MIER2: variants seen among roughly 807,000 people sequenced by gnomAD.
The protein encoded by MIER2 is mesoderm induction early response protein 2.
MIER2 carries 30 observed loss-of-function variants against 67.6 expected under a neutral mutation model. The ratio of observed to expected loss-of-function variants is 0.44; its 90% CI spans 0.33 to 0.60. The LOEUF is 0.60. MIER2 is among the 20% of genes least tolerant of loss of function. MIER2 has a pLI of 0.02. For missense variants in MIER2, 702 were observed against 745.1 expected, an observed-to-expected ratio of 0.94 and a Z score of 0.67; for synonymous variants, 372 against 312.6, an observed-to-expected ratio of 1.19 and a Z score of -2.00.
intron 4 of MIER2, 147 bp from the exon 5 acceptor site, chr19:327,403 G>A (rs866522249): frequency 1.4e-5 from 15 of 1,080,222 alleles, no homozygotes; most frequent in Middle Eastern, 3.1e-4. Context: ...GCACAGCGTG[G>A]GGGGAGCGGG....
chr19:342,838 G>C (rs1337210386), intron 1 of MIER2, among the ~76,000 whole-genome samples: 1 of 151,950 alleles, frequency 6.6e-6, no homozygotes, highest in Non-Finnish European at 1.5e-5. Flanking sequence ...GCTCTGAAGG[G>C]TGACCATTAA....
chr19:306,047 G>C lies in MIER2; in HGVS notation c.*643C>G, dbSNP rs536778396. 1 of 152,772 alleles carries C rather than the reference G, an allele frequency of 6.5e-6. No homozygotes were observed. Among genetic ancestry groups the C allele is most frequent in the South Asian group, 2.1e-4 (1 of 4,850 alleles). The allele number at this position is 152,772 out of a possible 1,614,324, so 9.5% of individuals were successfully genotyped here. A position where few individuals can be genotyped will look rare whatever the true frequency, so the allele number is the denominator to read the frequency against. ...CTCAGGATCGGGGAGCAGGGATGGA[G>C]GGGGAAGAGGCAGGTGGGGGTGTAA... On this transcript the variant is annotated 3_prime_UTR_variant, in exon 14 of 14. Coordinates refer to ENST00000264819, the MANE Select transcript of MIER2 (RefSeq NM_017550.3).
intron 7 of MIER2, among the ~76,000 whole-genome samples, chr19:315,185 C>T (rs914632460): frequency 1.3e-5 from 2 of 151,944 alleles, no homozygotes; most frequent in Admixed American, 6.6e-5. Flanking sequence ...GCAAACATGG[C>T]GAAACCCCAG....
At chr19:313,448 A>C (rs781437177) in intron 8 of MIER2, 44 bp downstream of exon 8, 28 of 1,593,012 alleles carry the variant, frequency 1.8e-5, no homozygotes, top group Non-Finnish European at 2.4e-5. Context: ...GGCCCACGCC[A>C]CGGCAGCCCT....
intron 1 of MIER2, chr19:343,747 C>A (rs1190446683): frequency 1.3e-6 from 1 of 740,868 alleles, no homozygotes; most frequent in Non-Finnish European, 1.6e-6. Flanking sequence ...AACTTCTGCG[C>A]ACAGAAGTCA....
intron 7 of MIER2, among the ~76,000 whole-genome samples, chr19:320,276 G>C (rs1600136658): frequency 6.6e-6 from 1 of 152,194 alleles, no homozygotes; most frequent in East Asian, 1.9e-4. Context: ...AGCTACTCGG[G>C]AGACTGCAGC....
chr19:327,391 G>A, intron 4 of MIER2, 135 bp from the exon 5 acceptor site: 2 of 1,150,230 alleles, frequency 1.7e-6, no homozygotes, highest in Non-Finnish European at 2.4e-6. Flanking sequence ...TCTGCAAAGG[G>A]TGCACAGCGT....
Position 334,539 on chromosome 19 carries a change from A to G in MIER2, c.104T>C (p.Val35Ala). Residue 35 changes from valine to alanine, a missense_variant, in exon 3 of 14, where the codon GTG becomes GCG. By Grantham distance (64) the Val-to-Ala change is moderately conservative (BLOSUM62 0). Around this residue, in one of 3 missense-constraint regions of MIER2, gnomAD observed 320 missense variants for 292.6 expected, o/e 1.09. Coordinates refer to ENST00000264819, the MANE Select transcript of MIER2 (RefSeq NM_017550.3). ...GEPGLQTTAV[V>A]SMGSGDHQFN... is the part of the protein sequence containing the mutation. ...CTGATGGTCTCCAGAGCCCATGGAC[A>G]CCACTGGGGAGAAGAGAGCAGCCCA... 1.9e-6 allele frequency: 3 copies of G among 1,613,688 alleles called. No individual in the cohort carries two copies. The highest frequency in any genetic ancestry group is 2.5e-6 in the Non-Finnish European group (3 of 1,179,912).
At chr19:340,278 T>C (rs1030509954) in intron 1 of MIER2, among the ~76,000 whole-genome samples, 3 of 152,138 alleles carry the variant, frequency 2.0e-5, no homozygotes, top group African/African-American at 4.8e-5. Context: ...CAGTTGACCC[T>C]TGAACAACGC....
At chr19:310,258 C>T (rs1970891104) in intron 10 of MIER2, among the ~76,000 whole-genome samples, 1 of 152,240 alleles carries the variant, frequency 6.6e-6, no homozygotes, top group Non-Finnish European at 1.5e-5. Flanking sequence ...AACTAACCCA[C>T]CGCCACCCAG....
chr19:344,382 G>A (rs1323995756), intron 1 of MIER2: 9 of 984,616 alleles, frequency 9.1e-6, no homozygotes, highest in Admixed American at 6.2e-5. Flanking sequence ...CGCGGGAGGG[G>A]AGGCCTGCGC....
Position 307,190 on chromosome 19 carries a change from C to A in MIER2, c.1545G>T (p.Gly515=), listed in dbSNP as rs1165288568. The A allele has an allele frequency of 2.5e-6, 4 of 1,589,864 alleles. No homozygotes were observed. The Admixed American group carries it at 7.1e-5, about 28-fold the overall frequency. The change falls in exon 13 of 14, where the codon GGG becomes GGT. Residue 515 remains glycine, a synonymous_variant. Coordinates refer to ENST00000264819, the MANE Select transcript of MIER2 (RefSeq NM_017550.3). ...GGGCGGCCAGGAAGGGGTTCACGTC[C>A]CCAATGCCGATGAGTCCAAACTCGG... ...SVTEFGLIGI[G]DVNPFLAAHP...
chr19:329,972 A>C (rs1971945201), intron 3 of MIER2, among the ~76,000 whole-genome samples: 1 of 152,100 alleles, frequency 6.6e-6, no homozygotes, highest in African/African-American at 2.4e-5. Flanking sequence ...GGAAGCATGC[A>C]GAATGCACCT....
At chr19:319,668 A>G (rs953483480) in intron 7 of MIER2, among the ~76,000 whole-genome samples, 4 of 152,120 alleles carry the variant, frequency 2.6e-5, no homozygotes, top group Non-Finnish European at 4.4e-5. Flanking sequence ...CATGTTGGTC[A>G]GGCTGTTCTC....
intron 7 of MIER2, among the ~76,000 whole-genome samples, chr19:315,367 A>G: frequency 6.6e-6 from 1 of 152,204 alleles, no homozygotes; most frequent in East Asian, 1.9e-4. Context: ...CTCCGTCTCA[A>G]ACAAACAAAC....
At position 325,369 on chromosome 19, in the gene MIER2, G is replaced by C. The variant is rs932613925; in HGVS notation, c.655+266C>G. On this transcript the variant is annotated intron_variant, in intron 7 of 13. Transcript: ENST00000264819. ...GGAGTCAAGGGCAGGGCAGGGCTGG[G>C]TCAGAGGCAGGACGGGCTGCTGAGG... Among the ~76,000 whole-genome samples, 3 of 152,190 alleles carry C rather than the reference G, an allele frequency of 2.0e-5. No individual in the cohort carries two copies. The South Asian group carries it at 6.2e-4, about 31-fold the overall frequency.
At chr19:316,904 G>C (rs906239957) in intron 7 of MIER2, among the ~76,000 whole-genome samples, 1 of 150,888 alleles carries the variant, frequency 6.6e-6, no homozygotes, top group Non-Finnish European at 1.5e-5. Flanking sequence ...AGGAGGCGGA[G>C]GTTGCAATGA....
At chr19:338,631 A>C (rs72986429) in intron 1 of MIER2, among the ~76,000 whole-genome samples, 1 of 152,220 alleles carries the variant, frequency 6.6e-6, no homozygotes, top group African/African-American at 2.4e-5. Flanking sequence ...ACAATCTTGA[A>C]ACAATACTTC....
rs1166988850 is a variant in MIER2, at chr19:313,651, A to G, written c.656-8T>C. 6.2e-7 allele frequency: 1 copy of G among 1,608,514 alleles called. No homozygotes were observed. The stretch of plus-strand genomic sequence containing the variant: ...GGTCTTCGTTCTCGTAGACTGCACA[A>G]GCAGAGGGCAAAGGTCAGCTTGCAG... On this transcript the variant is annotated splice_polypyrimidine_tract_variant and splice_region_variant and intron_variant, in intron 7 of 13. Transcript: ENST00000264819.
Sources: gnomAD v4.1 joint callset for allele counts (sites outside exome capture counted in the v4.1 genomes callset) on GRCh38, gnomAD v4.1.1 for gene constraint, gnomAD v4.1.1 regional missense constraint, MANE v1.5 for transcripts, NCBI Gene and HGNC (gene_info 2026-07-23, HGNC 2026-07-21) for gene names.